Variants in SMYD3 observed in about 807,000 individuals in gnomAD.
SMYD3 encodes SET and MYND domain containing 3, also known as histone-lysine N-methyltransferase SMYD3.
A neutral mutation model predicts 57.7 loss-of-function variants in SMYD3; 36 were observed. That is an observed-to-expected ratio of 0.62 (90% CI 0.48 to 0.82). The LOEUF (loss-of-function observed/expected upper bound fraction) is 0.82, where lower values mean the gene tolerates loss of function less well. Ranked by LOEUF, SMYD3 falls within the 40% of genes least tolerant of loss-of-function variation. The pLI is 0.00. For synonymous variants in SMYD3, 211 were observed against 195.0 expected, an observed-to-expected ratio of 1.08 and a Z score of -0.68; for missense variants, 515 against 538.8, an observed-to-expected ratio of 0.96 and a Z score of 0.44.
intron 1 of SMYD3, among the ~76,000 whole-genome samples, chr1:246,424,698 A>G (rs1248514255): frequency 6.6e-6 from 1 of 152,258 alleles, no homozygotes; most frequent in Non-Finnish European, 1.5e-5. Flanking sequence ...GTTTACTGAT[A>G]ATATCTTCTC....
chr1:246,181,968 G>C (rs2062558743), intron 5 of SMYD3, among the ~76,000 whole-genome samples: 3 of 152,082 alleles, frequency 2.0e-5, no homozygotes, highest in Non-Finnish European at 4.4e-5. Flanking sequence ...TATTTCACAG[G>C]GGGCATTTGT....
Position 246,202,302 on chromosome 1 carries a change from A to C in SMYD3, c.531+124899T>G, listed in dbSNP as rs2062934199. On this transcript the variant is annotated intron_variant, in intron 5 of 11. Coordinates refer to ENST00000490107, the MANE Select transcript of SMYD3 (RefSeq NM_001167740.2). This position sits in a 1 kb window ranked among gnomAD's most constrained non-coding sequence, Gnocchi z 4.1. ...TCCATTTTTCTCATAAATAAATTTG[A>C]ACACATTTGATCCTTTCTCATTTCT... 6.6e-6 allele frequency among the ~76,000 whole-genome samples: 1 copy of C among 152,124 alleles called. No individual in the cohort carries two copies. The highest frequency in any genetic ancestry group is 2.4e-5 in the African/African-American group (1 of 41,430).
At chr1:245,797,572 G>GC (rs759076291) in intron 10 of SMYD3, among the ~76,000 whole-genome samples, 3 of 151,626 alleles carry the variant, frequency 2.0e-5, no homozygotes, top group East Asian at 3.9e-4. Flanking sequence ...TATACCTAAT[G>GC]TAAATGACAA....
At chr1:246,386,834 T>C (rs1289672226) in intron 1 of SMYD3, among the ~76,000 whole-genome samples, 1 of 152,108 alleles carries the variant, frequency 6.6e-6, no homozygotes, top group African/African-American at 2.4e-5. Context: ...GTGAATCCTG[T>C]TATACATTAT....
chr1:245,867,875 C>T (rs1007309045), intron 8 of SMYD3, among the ~76,000 whole-genome samples: 21 of 152,154 alleles, frequency 1.4e-4, no homozygotes, highest in Admixed American at 5.2e-4. Flanking sequence ...CAAGTGCGGA[C>T]GCAGAAGCGT....
intron 8 of SMYD3, among the ~76,000 whole-genome samples, chr1:245,884,821 C>G (rs1383309523): frequency 2.6e-5 from 4 of 151,470 alleles, no homozygotes; most frequent in Non-Finnish European, 5.9e-5. Context: ...TAAAATGGCC[C>G]AATCAGCTCT....
chr1:246,019,918 CAAGATATGT>C (rs1553270552), intron 5 of SMYD3, among the ~76,000 whole-genome samples: 1 of 152,162 alleles, frequency 6.6e-6, no homozygotes, highest in Non-Finnish European at 1.5e-5. Flanking sequence ...AGCAATTTAA[CAAGATATGT>C]AAGATATATT....
chr1:246,031,737 G>GAAAAA (rs66497634), intron 5 of SMYD3, among the ~76,000 whole-genome samples: 2 of 136,816 alleles, frequency 1.5e-5, no homozygotes, highest in African/African-American at 2.7e-5. Context: ...ACTTTGTCTC[G>GAAAAA]AAAAAAAAAA....
intron 5 of SMYD3, among the ~76,000 whole-genome samples, chr1:246,016,323 C>T (rs534418695): frequency 2.5e-3 from 387 of 152,040 alleles, no homozygotes; most frequent in Non-Finnish European, 4.3e-3. Context: ...TGGCTCATGC[C>T]TGTAATCCCA....
At chr1:246,327,479 T>A (rs777154724) in intron 4 of SMYD3, 142 bp from the exon 5 acceptor site, 16 of 777,908 alleles carry the variant, frequency 2.1e-5, no homozygotes, top group Non-Finnish European at 2.4e-5. Context: ...TATTGTTTTA[T>A]CTTTTGACAA....
At chr1:246,466,491 C>T (rs1251797090) in intron 1 of SMYD3, among the ~76,000 whole-genome samples, 2 of 152,080 alleles carry the variant, frequency 1.3e-5, no homozygotes, top group Admixed American at 6.5e-5. Context: ...CACATGGACA[C>T]ATAAAGAGGG....
chr1:246,343,087 C>T (rs1485985589), intron 2 of SMYD3, among the ~76,000 whole-genome samples: 1 of 152,138 alleles, frequency 6.6e-6, no homozygotes, highest in Non-Finnish European at 1.5e-5. Flanking sequence ...ACACATACGA[C>T]AAAAATCATA....
intron 5 of SMYD3, among the ~76,000 whole-genome samples, chr1:246,103,931 C>T (rs530752682): frequency 4.7e-4 from 72 of 152,304 alleles, no homozygotes; most frequent in African/African-American, 1.6e-3. Context: ...ACTCCCTACT[C>T]ATCCTTGAAG....
At chr1:245,954,414 C>G (rs981177694) in intron 5 of SMYD3, among the ~76,000 whole-genome samples, 3 of 152,180 alleles carry the variant, frequency 2.0e-5, no homozygotes, top group African/African-American at 7.2e-5. Context: ...GCTCACACAC[C>G]TGTAATCTTA....
intron 5 of SMYD3, among the ~76,000 whole-genome samples, chr1:246,308,736 C>G (rs1364933054): frequency 6.6e-6 from 1 of 152,120 alleles, no homozygotes; most frequent in Non-Finnish European, 1.5e-5. Context: ...GATTAAATGA[C>G]TTCAATATGG....
chr1:246,111,932 A>G (rs142282461), intron 5 of SMYD3, among the ~76,000 whole-genome samples: 1 of 152,322 alleles, frequency 6.6e-6, no homozygotes, highest in East Asian at 1.9e-4. Flanking sequence ...TTCTGGAGCA[A>G]TATTATTTGT....
At chr1:246,001,067 C>G (rs147557421) in intron 5 of SMYD3, among the ~76,000 whole-genome samples, 1 of 152,118 alleles carries the variant, frequency 6.6e-6, no homozygotes, top group Non-Finnish European at 1.5e-5. Flanking sequence ...GAAATGAGGC[C>G]GCTGTCCTGC....
At chr1:245,923,070 A>C (rs1424159132) in intron 7 of SMYD3, among the ~76,000 whole-genome samples, 2 of 152,220 alleles carry the variant, frequency 1.3e-5, no homozygotes, top group African/African-American at 4.8e-5. Context: ...AAGGCAAAGG[A>C]AACATCACGT....
chr1:245,836,459 G>C (rs1390433286), intron 10 of SMYD3, among the ~76,000 whole-genome samples: 1 of 152,230 alleles, frequency 6.6e-6, no homozygotes, highest in Non-Finnish European at 1.5e-5. Context: ...TGAGAGAGGA[G>C]TCTGTGTTTA....
Sources: allele counts gnomAD v4.1 joint callset (sites outside exome capture counted in the v4.1 genomes callset), GRCh38; gene constraint gnomAD v4.1.1; non-coding constraint Gnocchi (gnomAD v3.1); transcripts MANE v1.5; gene names NCBI Gene and HGNC (gene_info 2026-07-23, HGNC 2026-07-21).